SETD7: variants seen among roughly 807,000 people sequenced by gnomAD.
The protein encoded by SETD7 is histone-lysine N-methyltransferase SETD7.
A neutral mutation model predicts 41.8 loss-of-function variants in SETD7; 16 were observed. The ratio of observed to expected loss-of-function variants is 0.38; its 90% confidence interval spans 0.26 to 0.58. SETD7 has a LOEUF of 0.58. Ranked by LOEUF, SETD7 falls within the 20% of genes least tolerant of loss-of-function variation. SETD7 has a pLI of 0.64. For missense variants in SETD7, 346 were observed against 459.7 expected (o/e 0.75, Z 2.26); for synonymous variants, 163 against 169.7 (o/e 0.96, Z 0.31).
rs760704054 is a variant in SETD7, at chr4:139,511,718, G to A, written c.1046C>T (p.Ala349Val). ...CAGCTCCACCTGGTACCACTCAGGG[G>A]CTTCAGGCCCACTCTTCCCGGGGGG... Reference protein sequence around the residue: ...HSPPGKSGPEAPEWYQVELKA... With the variant: ...HSPPGKSGPEVPEWYQVELKA... The change falls in exon 8 of 8, where the codon GCC becomes GTC. Residue 349 changes from alanine (A) to valine (V), a missense_variant. Physicochemically the swap from Ala to Val is moderately conservative, Grantham distance 64 (BLOSUM62 0). Transcript: ENST00000274031. 1.9e-6 allele frequency: 3 copies of A among 1,614,000 alleles called. No homozygotes were observed. In the Admixed American group the frequency reaches 5.0e-5, roughly 27 times the overall value.
intron 1 of SETD7, among the ~76,000 whole-genome samples, chr4:139,551,748 C>T (rs556105107): frequency 3.9e-5 from 6 of 152,216 alleles, no homozygotes; most frequent in Non-Finnish European, 7.4e-5. Flanking sequence ...AGGCCGGGCG[C>T]GGTGGCTCAT....
chr4:139,508,868 A>T lies in SETD7; in HGVS notation c.*2795T>A, dbSNP rs1475657999. On this transcript the variant is annotated 3_prime_UTR_variant, in exon 8 of 8. Transcript: ENST00000274031. ...TCCTCAGCTGTTAATTCCTTATAGA[A>T]CCTCCACTCCCTTGACTTCTTTCCC... 6.6e-6 allele frequency: 1 copy of T among 151,434 alleles called. No individual in the cohort carries two copies. The highest frequency in any genetic ancestry group is 1.5e-5 in the Non-Finnish European group (1 of 67,930). 9.4% of individuals were successfully genotyped at this position (151,434 alleles called of 1,614,324 possible). A position where few individuals can be genotyped will look rare whatever the true frequency, so the allele number is the denominator to read the frequency against.
At chr4:139,552,937 T>C (rs924644556) in intron 1 of SETD7, among the ~76,000 whole-genome samples, 4 of 152,212 alleles carry the variant, frequency 2.6e-5, no homozygotes, top group African/African-American at 9.7e-5. Flanking sequence ...CTGTGATAAA[T>C]TTCTGTTTCC....
chr4:139,509,574 C>T lies in SETD7; in HGVS notation c.*2089G>A, dbSNP rs1426559203. On this transcript the variant is annotated 3_prime_UTR_variant, in exon 8 of 8. Transcript: ENST00000274031. The stretch of plus-strand genomic sequence containing the variant: ...AGCTGCATCGGGGGCATGACCAGCA[C>T]TATCCTCTCCCTGACCGTATTCCCT... 3 of 315,234 alleles carry T rather than the reference C, an allele frequency of 9.5e-6. No individual in the cohort carries two copies. Among genetic ancestry groups the T allele is most frequent in the Non-Finnish European group, 1.4e-5 (3 of 217,476 alleles). The allele number at this position is 315,234 out of a possible 1,614,324, so 19.5% of individuals were successfully genotyped here.
intron 2 of SETD7, among the ~76,000 whole-genome samples, chr4:139,539,443 C>T (rs1025192316): frequency 2.6e-5 from 4 of 152,166 alleles, no homozygotes; most frequent in African/African-American, 9.7e-5. Flanking sequence ...TCAACTTCTC[C>T]CAAGGTGTTG....
At chr4:139,520,417 T>C in intron 5 of SETD7, 23 bp from the exon 6 acceptor site, 4 of 1,400,176 alleles carry the variant, frequency 2.9e-6, no homozygotes, top group East Asian at 4.7e-5. Flanking sequence ...AAGAGTTGAA[T>C]AGTGACCTTT....
chr4:139,493,483 C>T (rs1277530579), downstream of SETD7, among the ~76,000 whole-genome samples: 1 of 151,466 alleles, frequency 6.6e-6, no homozygotes, highest in Non-Finnish European at 1.5e-5. Context: ...TTTATTCTAG[C>T]TGCAATGGAA....
downstream of SETD7, among the ~76,000 whole-genome samples, chr4:139,495,378 T>C (rs1347160485): frequency 6.6e-6 from 1 of 152,112 alleles, no homozygotes; most frequent in Non-Finnish European, 1.5e-5. Flanking sequence ...GAGTAGGAAA[T>C]CAGAACCAGG....
downstream of SETD7, among the ~76,000 whole-genome samples, chr4:139,505,071 C>T (rs150886104): frequency 5.3e-5 from 8 of 152,220 alleles, no homozygotes; most frequent in African/African-American, 9.6e-5. Context: ...GTTTCTGTTT[C>T]CTTCCTTCCA....
chr4:139,550,455 G>C (rs1161041808), intron 1 of SETD7, among the ~76,000 whole-genome samples: 2 of 152,134 alleles, frequency 1.3e-5, no homozygotes, highest in Admixed American at 1.3e-4. Context: ...AAAGGAACTA[G>C]AGATTAAGGG....
At chr4:139,504,164 G>A (rs1726648966), downstream of SETD7, among the ~76,000 whole-genome samples, 1 of 152,188 alleles carries the variant, frequency 6.6e-6, no homozygotes, top group Admixed American at 6.5e-5. Context: ...GAGCTTTGAT[G>A]TTTCTTGAAG....
intron 1 of SETD7, among the ~76,000 whole-genome samples, chr4:139,548,981 C>T (rs1005009513): frequency 1.8e-4 from 28 of 152,068 alleles, no homozygotes; most frequent in Admixed American, 1.7e-3. Flanking sequence ...TATCTGATGC[C>T]ATTTCTCTCA....
intron 5 of SETD7, 76 bp downstream of exon 5, chr4:139,523,278 G>A: frequency 2.8e-6 from 3 of 1,062,190 alleles, no homozygotes; most frequent in Non-Finnish European, 4.3e-6. Flanking sequence ...GAGCCAAAGA[G>A]GTGCATAAGT....
rs897941816 is a variant in SETD7 at position 139,556,046 on chromosome 4, G to C, written c.40+52C>G. The C allele has an allele frequency of 4.6e-6, 7 of 1,525,780 alleles. No homozygotes were observed. The African/African-American group carries it at 9.9e-5, about 22-fold the overall frequency. The allele number at this position is 1,525,780 out of a possible 1,614,324, so 94.5% of individuals were successfully genotyped here. A position where few individuals can be genotyped will look rare whatever the true frequency, so the allele number is the denominator to read the frequency against. On this transcript the variant is annotated intron_variant, in intron 1 of 7. Coordinates refer to ENST00000274031, the MANE Select transcript of SETD7 (RefSeq NM_030648.4). ...CTGTTCGCAGCCCGCCACTCCTTCC[G>C]CGCTCCAGGCCCTCTGCGCCTCCTC...
chr4:139,512,434 T>G (rs545983023), intron 7 of SETD7, among the ~76,000 whole-genome samples: 4 of 152,364 alleles, frequency 2.6e-5, no homozygotes, highest in African/African-American at 7.2e-5. Flanking sequence ...TCTAGACCTC[T>G]CTGCCAACCT....
intron 7 of SETD7, among the ~76,000 whole-genome samples, chr4:139,514,011 A>C (rs1006442518): frequency 6.6e-6 from 1 of 152,236 alleles, no homozygotes; most frequent in African/African-American, 2.4e-5. Flanking sequence ...GGCTGGGTGC[A>C]GTGGCCCATG....
Position 139,555,978 on chromosome 4 carries a change from AC to A in SETD7, c.40+119del. On this transcript the variant is annotated intron_variant, in intron 1 of 7. Coordinates refer to ENST00000274031, the MANE Select transcript of SETD7 (RefSeq NM_030648.4). This position sits in a 1 kb window ranked among gnomAD's most constrained non-coding sequence, Gnocchi z 4.0. ...CCCCGCCCGAGCCGGGCAACCGGCC[AC>A]CCGTGTAGGGGACAGTGGCGGCCGC... The A allele has an allele frequency of 1.1e-6, 1 of 904,894 alleles. No homozygotes were observed. Among genetic ancestry groups the A allele is most frequent in the African/African-American group, 1.7e-5 (1 of 57,510 alleles). The allele number at this position is 904,894 out of a possible 1,614,324, so 56.1% of individuals were successfully genotyped here. A position where few individuals can be genotyped will look rare whatever the true frequency, so the allele number is the denominator to read the frequency against.
intron 3 of SETD7, among the ~76,000 whole-genome samples, chr4:139,530,198 C>T (rs983283510): frequency 6.6e-6 from 1 of 151,770 alleles, no homozygotes; most frequent in African/African-American, 2.4e-5. Flanking sequence ...CATGGTATAA[C>T]TTTGAAAATT....
chr4:139,511,874 G>A (rs757989670), intron 7 of SETD7, 31 bp from the exon 8 acceptor site: 15 of 1,589,334 alleles, frequency 9.4e-6, no homozygotes, highest in Middle Eastern at 1.7e-4. Context: ...AGTCATTCCC[G>A]GGCCAGACCA....
Sources: allele counts gnomAD v4.1 joint callset (sites outside exome capture counted in the v4.1 genomes callset), GRCh38; gene constraint gnomAD v4.1.1; non-coding constraint Gnocchi (gnomAD v3.1); transcripts MANE v1.5; gene names NCBI Gene and HGNC (gene_info 2026-07-23, HGNC 2026-07-21).